TLK2: variants seen among roughly 807,000 people sequenced by gnomAD.
TLK2 encodes the protein tousled like kinase 2.
In TLK2, 6 loss-of-function variants were observed where a neutral mutation model predicts 117.3. The ratio of observed to expected loss-of-function variants is 0.05; its 90% CI spans 0.03 to 0.10. The LOEUF is 0.10. TLK2 is among the 10% of genes least tolerant of loss of function. The pLI, the probability that TLK2 is intolerant of heterozygous loss-of-function variation, is 1.00. For missense variants in TLK2, 299 were observed against 901.2 expected, an observed-to-expected ratio of 0.33 and a Z score of 8.56; for synonymous variants, 257 against 316.7, an observed-to-expected ratio of 0.81 and a Z score of 2.00.
At chr17:62,546,541 T>C (rs1171564594) in intron 7 of TLK2, among the ~76,000 whole-genome samples, 1 of 149,176 alleles carries the variant, frequency 6.7e-6, no homozygotes, top group Non-Finnish European at 1.5e-5. Flanking sequence ...GGAGATTTTC[T>C]TATTTTCTTT....
At chr17:62,597,489 A>C (rs550294859) in intron 17 of TLK2, among the ~76,000 whole-genome samples, 3 of 152,356 alleles carry the variant, frequency 2.0e-5, no homozygotes, top group Admixed American at 2.0e-4. Flanking sequence ...ACTGACGTGC[A>C]CTAGTGAGTG....
intron 11 of TLK2, among the ~76,000 whole-genome samples, chr17:62,571,479 G>A (rs754105367): frequency 1.3e-5 from 2 of 151,998 alleles, no homozygotes; most frequent in African/African-American, 4.8e-5. Context: ...GATATGGAGA[G>A]CCATCCTTAT....
chr17:62,608,284 T>C, intron 21 of TLK2, 136 bp downstream of exon 21: 1 of 691,626 alleles, frequency 1.4e-6, no homozygotes, highest in South Asian at 1.9e-5. Context: ...CATGAATTAA[T>C]GTTCCTAAGA....
At chr17:62,578,905 A>T (rs2081012793) in intron 14 of TLK2, among the ~76,000 whole-genome samples, 1 of 152,192 alleles carries the variant, frequency 6.6e-6, no homozygotes. Context: ...GAGCCTTAAG[A>T]AAGGGAAGAT....
intron 6 of TLK2, among the ~76,000 whole-genome samples, chr17:62,532,446 C>A (rs979235516): frequency 2.6e-5 from 4 of 152,166 alleles, no homozygotes; most frequent in Non-Finnish European, 5.9e-5. Flanking sequence ...TAAACTGTTA[C>A]ATTTGCTGGG....
chr17:62,495,825 A>AT (rs200081925), intron 2 of TLK2, among the ~76,000 whole-genome samples: 68 of 145,230 alleles, frequency 4.7e-4, no homozygotes, highest in East Asian at 8.0e-4. Flanking sequence ...TGCCCAGCTA[A>AT]TTTTTTTTTT....
At chr17:62,551,471 T>G (rs2443114) in intron 7 of TLK2, 1 of 152,036 alleles carries the variant, frequency 6.6e-6, no homozygotes, top group African/African-American at 2.4e-5. Flanking sequence ...TTTGGGAGGC[T>G]GAGGCGGGCG....
chr17:62,503,137 G>GCAAGCTCCGCCTCCCAGGTTCACGC (rs1243263810), intron 2 of TLK2, among the ~76,000 whole-genome samples: 4 of 147,238 alleles, frequency 2.7e-5, no homozygotes, highest in Non-Finnish European at 5.9e-5. Context: ...TTGGCTCACG[G>GCAAGCTCCGCCTCCCAGGTTCACGC]CAAGCTCCGC....
intron 2 of TLK2, among the ~76,000 whole-genome samples, chr17:62,512,523 T>C (rs943292351): frequency 3.2e-4 from 48 of 152,130 alleles, no homozygotes; most frequent in Non-Finnish European, 5.0e-4. Flanking sequence ...ACATCCTCTT[T>C]AGTAAAATGT....
intron 2 of TLK2, among the ~76,000 whole-genome samples, chr17:62,494,084 C>G (rs7406936): frequency 6.6e-6 from 1 of 152,078 alleles, no homozygotes; most frequent in Non-Finnish European, 1.5e-5. Context: ...TTACTGTATT[C>G]TATTTTGTTT....
At chr17:62,524,208 T>C (rs1211168262) in intron 5 of TLK2, 28 bp from the exon 6 acceptor site, 2 of 1,613,582 alleles carry the variant, frequency 1.2e-6, no homozygotes, top group Admixed American at 1.7e-5. Flanking sequence ...TTTTGAATTA[T>C]TCATATCGGT....
chr17:62,524,040 G>A (rs994810972), intron 5 of TLK2, among the ~76,000 whole-genome samples, 196 bp from the exon 6 acceptor site: 1 of 151,462 alleles, frequency 6.6e-6, no homozygotes, highest in African/African-American at 2.4e-5. Flanking sequence ...GTATATTTCT[G>A]CTGGAGCTCC....
chr17:62,564,723 CA>C (rs530119026), intron 10 of TLK2, among the ~76,000 whole-genome samples: 6,533 of 150,948 alleles, frequency 0.043, 146 homozygotes, highest in Middle Eastern at 0.11. Flanking sequence ...AAAAAACAAA[CA>C]AAAAACCAAC....
Position 62,486,055 on chromosome 17 carries a change from C to T in TLK2, c.81+4849C>T, listed in dbSNP as rs186873871. ...CAGGATGGTCTCGATCTCCTGACCTCGTGATCTGCCCACCTTGGCCTCCCA... is the reference window on the plus strand; with the variant it reads ...CAGGATGGTCTCGATCTCCTGACCTTGTGATCTGCCCACCTTGGCCTCCCA... On this transcript the variant is annotated intron_variant, in intron 2 of 21. Coordinates refer to ENST00000346027, the MANE Select transcript of TLK2 (RefSeq NM_006852.6). 4.5e-4 allele frequency among the ~76,000 whole-genome samples: 68 copies of T among 152,070 alleles called. No homozygotes were observed. In the East Asian group the frequency reaches 5.4e-3, roughly 12 times the overall value.
intron 6 of TLK2, among the ~76,000 whole-genome samples, chr17:62,527,634 A>G (rs1055164758): frequency 6.6e-6 from 1 of 151,976 alleles, no homozygotes; most frequent in Non-Finnish European, 1.5e-5. Context: ...TTCATTGTGT[A>G]TTTTATAGGT....
chr17:62,571,822 G>A (rs1173894157), intron 11 of TLK2, among the ~76,000 whole-genome samples: 4 of 152,120 alleles, frequency 2.6e-5, no homozygotes, highest in African/African-American at 9.7e-5. Context: ...AGATCTGACA[G>A]CAATGTTCAG....
chr17:62,612,142 C>T (rs2083838566), intron 21 of TLK2: 4 of 349,264 alleles, frequency 1.1e-5, no homozygotes, highest in South Asian at 1.6e-4. Flanking sequence ...CTTCCTTTTT[C>T]CTCCCTTCAG....
chr17:62,578,621 A>G, intron 14 of TLK2, 47 bp downstream of exon 14: 2 of 1,391,650 alleles, frequency 1.4e-6, no homozygotes, highest in South Asian at 2.3e-5. Flanking sequence ...TAAGCATTTT[A>G]TGATATGAAT....
chr17:62,531,185 C>CT (rs980622081), intron 6 of TLK2, among the ~76,000 whole-genome samples: 8 of 152,212 alleles, frequency 5.3e-5, no homozygotes, highest in African/African-American at 1.7e-4. Flanking sequence ...CTGACTTGTT[C>CT]TTTTTTCCTT....
Sources: gnomAD v4.1 joint callset for allele counts (sites outside exome capture counted in the v4.1 genomes callset) on GRCh38, gnomAD v4.1.1 for gene constraint, MANE v1.5 for transcripts, NCBI Gene and HGNC (gene_info 2026-07-23, HGNC 2026-07-21) for gene names.